CTDSPL2: variants seen among roughly 807,000 people sequenced by gnomAD.
The protein encoded by CTDSPL2 is CTD small phosphatase-like protein 2.
A neutral mutation model predicts 60.0 loss-of-function variants in CTDSPL2; 5 were observed. The ratio of observed to expected loss-of-function variants is 0.08; its 90% CI spans 0.04 to 0.18. The LOEUF (loss-of-function observed/expected upper bound fraction) is 0.18. Among genes scored for constraint, CTDSPL2 ranks in the 10% least tolerant of loss-of-function variants. The pLI is 1.00. For missense variants in CTDSPL2, 370 were observed against 548.8 expected (o/e 0.67, Z 3.26); for synonymous variants, 186 against 189.3 (o/e 0.98, Z 0.14).
At chr15:44,516,622 A>C (rs1305310348) in intron 10 of CTDSPL2, 2 of 152,256 alleles carry the variant, frequency 1.3e-5, no homozygotes, top group African/African-American at 4.8e-5. Flanking sequence ...TCTGTTCAGC[A>C]TCTCCAGTAT....
rs1176877251 is a variant in CTDSPL2, at chr15:44,524,245, G to A, written c.*71G>A. On this transcript the variant is annotated 3_prime_UTR_variant, in exon 13 of 13. Coordinates refer to ENST00000260327, the MANE Select transcript of CTDSPL2 (RefSeq NM_016396.3). ...CCTTTTGGACTAAGACAAAAACATTGCCATTACTGTTGAAATTTTGCATTT... is the reference window on the plus strand; with the variant it reads ...CCTTTTGGACTAAGACAAAAACATTACCATTACTGTTGAAATTTTGCATTT... 3 of 1,299,468 alleles carry A rather than the reference G, an allele frequency of 2.3e-6. No individual in the cohort carries two copies. The highest frequency in any genetic ancestry group is 2.2e-6 in the Non-Finnish European group (2 of 903,994). The allele number at this position is 1,299,468 out of a possible 1,614,324, so 80.5% of individuals were successfully genotyped here.
rs1306205579 is a variant in CTDSPL2 at position 44,525,709 on chromosome 15, A to G, written c.*1535A>G. 2 of 383,010 alleles carry G rather than the reference A, an allele frequency of 5.2e-6. No individual in the cohort carries two copies. The highest frequency in any genetic ancestry group is 9.2e-6 in the Non-Finnish European group (2 of 216,434). 23.7% of individuals were successfully genotyped at this position (383,010 alleles called of 1,614,324 possible). On this transcript the variant is annotated 3_prime_UTR_variant, in exon 13 of 13. Transcript: ENST00000260327. Reference sequence around the variant, plus strand: ...CAAATTACATGCAGCTTCATTTTCAAATGAATCCTTAAAATAAGGAAATCT... The same window carrying G: ...CAAATTACATGCAGCTTCATTTTCAGATGAATCCTTAAAATAAGGAAATCT...
intron 11 of CTDSPL2, chr15:44,519,658 T>C: frequency 6.2e-6 from 1 of 161,952 alleles, no homozygotes; most frequent in Non-Finnish European, 1.3e-5. Flanking sequence ...TGTTCTGAAA[T>C]ATTTTCTTAG....
chr15:44,449,089 C>G (rs773871790), intron 1 of CTDSPL2: 6 of 315,202 alleles, frequency 1.9e-5, no homozygotes, highest in Non-Finnish European at 3.1e-5. Flanking sequence ...GTCTGTAATA[C>G]ATGGATAATT....
chr15:44,479,913 A>G (rs765107836), intron 2 of CTDSPL2, among the ~76,000 whole-genome samples: 1 of 152,150 alleles, frequency 6.6e-6, no homozygotes, highest in East Asian at 1.9e-4. Flanking sequence ...TCAGAAAGTT[A>G]TGTAGTTCAG....
chr15:44,510,519 A>G (rs1157209430), intron 8 of CTDSPL2, among the ~76,000 whole-genome samples: 1 of 152,188 alleles, frequency 6.6e-6, no homozygotes, highest in Non-Finnish European at 1.5e-5. Context: ...TGTACTATAA[A>G]TAAAATATTA....
At chr15:44,438,919 G>A (rs1414076995) in intron 1 of CTDSPL2, among the ~76,000 whole-genome samples, 4 of 152,050 alleles carry the variant, frequency 2.6e-5, no homozygotes, top group African/African-American at 9.7e-5. Flanking sequence ...TTGTATTCCT[G>A]AAAGGAGATC....
chr15:44,478,029 C>T (rs2140763519), intron 2 of CTDSPL2, among the ~76,000 whole-genome samples: 1 of 152,284 alleles, frequency 6.6e-6, no homozygotes, highest in Non-Finnish European at 1.5e-5. Context: ...ATACTCATTA[C>T]ATGCTATCCT....
intron 8 of CTDSPL2, among the ~76,000 whole-genome samples, chr15:44,514,324 T>C (rs2081614460): frequency 6.6e-6 from 1 of 152,190 alleles, no homozygotes; most frequent in Non-Finnish European, 1.5e-5. Flanking sequence ...AGCTTAAATG[T>C]TTATTAAAAT....
intron 2 of CTDSPL2, among the ~76,000 whole-genome samples, chr15:44,462,600 C>G (rs2080594705): frequency 6.6e-6 from 1 of 151,818 alleles, no homozygotes; most frequent in East Asian, 1.9e-4. Context: ...TGCTGGCTCA[C>G]CGCTCACCTC....
intron 1 of CTDSPL2, among the ~76,000 whole-genome samples, chr15:44,439,897 G>A (rs2080050564): frequency 6.6e-6 from 1 of 152,174 alleles, no homozygotes. Context: ...TCAAGGTAAT[G>A]TTGGTCTCAT....
At chr15:44,483,570 A>G (rs2081068606) in intron 2 of CTDSPL2, among the ~76,000 whole-genome samples, 1 of 152,084 alleles carries the variant, frequency 6.6e-6, no homozygotes, top group Non-Finnish European at 1.5e-5. Flanking sequence ...TTAGAAAACT[A>G]TATATATAAA....
In CTDSPL2 at chr15:44,519,172, C is replaced by T. The variant is rs770476096; in HGVS notation, c.1116C>T (p.His372=). 3 of 1,485,360 alleles carry T rather than the reference C, an allele frequency of 2.0e-6. No individual in the cohort carries two copies. The highest frequency in any genetic ancestry group is 2.7e-6 in the Non-Finnish European group (3 of 1,124,980). 92.0% of individuals were successfully genotyped at this position (1,485,360 alleles called of 1,614,324 possible). ...TTGTTTTTATTTTTATGTTTAGGCA[C>T]CGGCTTTTCCGTGAACATTGTGTTT... ...ILDPKKQLVR[H]RLFREHCVCV... Residue 372 remains histidine, a synonymous_variant, in exon 11 of 13, where the codon CAC becomes CAT. Transcript: ENST00000260327.
chr15:44,448,729 G>A (rs2080271611), intron 1 of CTDSPL2: 2 of 340,486 alleles, frequency 5.9e-6, no homozygotes, highest in Non-Finnish European at 1.2e-5. Context: ...CAGGTGATTG[G>A]CATCGATAGT....
intron 2 of CTDSPL2, among the ~76,000 whole-genome samples, chr15:44,474,210 CACGCCTGTA>C (rs1469174116): frequency 3.9e-5 from 6 of 152,290 alleles, no homozygotes; most frequent in Non-Finnish European, 8.8e-5. Context: ...TGCGGTAGCT[CACGCCTGTA>C]ACGCCTGTAA....
intron 1 of CTDSPL2, among the ~76,000 whole-genome samples, chr15:44,433,330 GA>G (rs1020559472): frequency 0.014 from 924 of 63,932 alleles, 3 homozygotes; most frequent in East Asian, 0.037. Flanking sequence ...CTGTCTCAAA[GA>G]AAAAAAAAAA....
At chr15:44,467,337 A>T (rs550433647) in intron 2 of CTDSPL2, among the ~76,000 whole-genome samples, 12 of 152,214 alleles carry the variant, frequency 7.9e-5, no homozygotes, top group African/African-American at 2.6e-4. Context: ...ATTGGTTAGG[A>T]TCTGTATTAC....
At chr15:44,458,246 C>T (rs569368152) in intron 1 of CTDSPL2, among the ~76,000 whole-genome samples, 1 of 152,228 alleles carries the variant, frequency 6.6e-6, no homozygotes, top group East Asian at 1.9e-4. Flanking sequence ...TCTCTTAATT[C>T]TTCGTTTAGT....
intron 6 of CTDSPL2, 97 bp downstream of exon 6, chr15:44,496,555 T>C: frequency 1.1e-6 from 1 of 906,008 alleles, no homozygotes; most frequent in Non-Finnish European, 1.8e-6. Flanking sequence ...ATTGCCAAGA[T>C]ATGTGACCTG....
Sources: allele counts gnomAD v4.1 joint callset (sites outside exome capture counted in the v4.1 genomes callset), GRCh38; gene constraint gnomAD v4.1.1; transcripts MANE v1.5; gene names NCBI Gene and HGNC (gene_info 2026-07-23, HGNC 2026-07-21).